Variants in LGSN observed in about 807,000 individuals in gnomAD.
The protein encoded by LGSN is lengsin, lens protein with glutamine synthetase domain, also known as lengsin.
Under a neutral mutation model 19.5 loss-of-function variants are expected in LGSN, and 21 were observed. The observed-to-expected ratio is 1.07, with a 90% CI of 0.76 to 1.55. LGSN has a LOEUF of 1.55. Among genes scored for constraint, LGSN ranks in the 40% most tolerant of loss-of-function variants. The pLI is 0.00. For missense variants in LGSN, 673 were observed against 608.5 expected, an observed-to-expected ratio of 1.11 and a Z score of -1.12; for synonymous variants, 257 against 215.6, an observed-to-expected ratio of 1.19 and a Z score of -1.68.
At chr6:63,505,406 C>T in the LGSN span, among the ~76,000 whole-genome samples, 1 of 151,038 alleles carries the variant, frequency 6.6e-6, no homozygotes, top group Non-Finnish European at 1.5e-5. Flanking sequence ...AGTGAAACCC[C>T]GTCTCTACTA....
chr6:63,395,996 C>T, the LGSN span: 1 of 153,718 alleles, frequency 6.5e-6, no homozygotes, highest in African/African-American at 2.4e-5. Flanking sequence ...GGAGAGATGA[C>T]TTCTTGGTTA....
the LGSN span, among the ~76,000 whole-genome samples, chr6:63,406,413 G>C: frequency 1.3e-5 from 2 of 151,844 alleles, no homozygotes; most frequent in African/African-American, 4.9e-5. Context: ...TGAACAACCT[G>C]CTCCTGAATG....
chr6:63,365,005 C>T, the LGSN span, among the ~76,000 whole-genome samples: 6 of 152,076 alleles, frequency 3.9e-5, no homozygotes, highest in Non-Finnish European at 8.8e-5. Context: ...AACTGACACC[C>T]TAACATCACA....
At chr6:63,375,432 G>T in the LGSN span, among the ~76,000 whole-genome samples, 12 of 148,194 alleles carry the variant, frequency 8.1e-5, no homozygotes, top group East Asian at 2.3e-3. Flanking sequence ...TAGCAATTAT[G>T]ATCTTTCTTG....
At chr6:63,438,099 T>C in the LGSN span, among the ~76,000 whole-genome samples, 16 of 152,248 alleles carry the variant, frequency 1.1e-4, no homozygotes, top group African/African-American at 1.4e-4. Context: ...GGTATGAGTA[T>C]ATATGTATAT....
chr6:63,369,178 G>A, the LGSN span, among the ~76,000 whole-genome samples: 1,580 of 152,290 alleles, frequency 0.01, 32 homozygotes, highest in African/African-American at 0.036. Flanking sequence ...CATCCATCCA[G>A]CATGATCTGT....
the LGSN span, among the ~76,000 whole-genome samples, chr6:63,426,057 T>C: frequency 2.0e-5 from 3 of 152,138 alleles, no homozygotes; most frequent in African/African-American, 7.2e-5. Context: ...ACTTTTTTTT[T>C]AATGCAAGGG....
At chr6:63,383,021 A>T in the LGSN span, among the ~76,000 whole-genome samples, 2 of 152,220 alleles carry the variant, frequency 1.3e-5, no homozygotes, top group Admixed American at 1.3e-4. Context: ...AGCTACAGGC[A>T]TATGTATCTC....
intron 1 of LGSN, among the ~76,000 whole-genome samples, chr6:63,300,211 C>A (rs1768130051): frequency 6.6e-6 from 1 of 152,194 alleles, no homozygotes; most frequent in Non-Finnish European, 1.5e-5. Context: ...TTTCATAGCT[C>A]TGTCCTCAGT....
the LGSN span, among the ~76,000 whole-genome samples, chr6:63,498,335 T>C: frequency 6.6e-6 from 1 of 151,930 alleles, no homozygotes. Context: ...TGGCTCCTTC[T>C]TGTGAGGCAG....
At chr6:63,392,795 T>C in the LGSN span, among the ~76,000 whole-genome samples, 1 of 151,586 alleles carries the variant, frequency 6.6e-6, no homozygotes, top group Non-Finnish European at 1.5e-5. Context: ...TTCTTTCTAA[T>C]GAAGAGCAGT....
At chr6:63,516,175 A>T in the LGSN span, among the ~76,000 whole-genome samples, 16 of 152,232 alleles carry the variant, frequency 1.1e-4, 1 homozygote, top group Admixed American at 1.0e-3. Flanking sequence ...CAAGTAGAAG[A>T]TTGAAAATAA....
At chr6:63,364,572 T>C in the LGSN span, among the ~76,000 whole-genome samples, 1 of 152,218 alleles carries the variant, frequency 6.6e-6, no homozygotes, top group Non-Finnish European at 1.5e-5. Flanking sequence ...AACTCAGCTC[T>C]GCACCAAGCA....
At chr6:63,543,352 G>T in the LGSN span, among the ~76,000 whole-genome samples, 1 of 152,122 alleles carries the variant, frequency 6.6e-6, no homozygotes, top group East Asian at 1.9e-4. Flanking sequence ...CATCCTGCAG[G>T]TTTCCTTCTT....
chr6:63,351,906 G>A, the LGSN span, among the ~76,000 whole-genome samples: 1 of 152,114 alleles, frequency 6.6e-6, no homozygotes, highest in Non-Finnish European at 1.5e-5. Flanking sequence ...CTGATTTACT[G>A]TTTCAATATA....
the LGSN span, among the ~76,000 whole-genome samples, chr6:63,568,572 C>T: frequency 6.6e-6 from 1 of 151,336 alleles, no homozygotes; most frequent in African/African-American, 2.4e-5. Context: ...AGATGTAACA[C>T]AGAGACATGA....
the LGSN span, among the ~76,000 whole-genome samples, chr6:63,490,658 C>T: frequency 2.0e-5 from 3 of 152,036 alleles, no homozygotes; most frequent in Non-Finnish European, 4.4e-5. Flanking sequence ...CTCACTGCAA[C>T]CTCTGTCTCC....
At chr6:63,284,237 G>A (rs1767438915) in intron 3 of LGSN, among the ~76,000 whole-genome samples, 1 of 152,082 alleles carries the variant, frequency 6.6e-6, no homozygotes, top group African/African-American at 2.4e-5. Flanking sequence ...CTGGGACTAA[G>A]AATAAATATA....
the LGSN span, among the ~76,000 whole-genome samples, chr6:63,412,718 G>GGAAGGAAGGAAGGAAGGAAA: frequency 1.8e-5 from 1 of 54,750 alleles, no homozygotes; most frequent in African/African-American, 1.4e-4. Context: ...AGGGAAGGAA[G>GGAAGGAAGGAAGGAAGGAAA]GAAAGAAAGA....
Sources: allele counts gnomAD v4.1 joint callset (sites outside exome capture counted in the v4.1 genomes callset), GRCh38; gene constraint gnomAD v4.1.1; transcripts MANE v1.5; gene names NCBI Gene and HGNC (gene_info 2026-07-23, HGNC 2026-07-21).